HOOK1: variants seen among roughly 807,000 people sequenced by gnomAD.
The protein encoded by HOOK1 is protein Hook homolog 1.
HOOK1 carries 60 observed loss-of-function variants against 112.8 expected under a neutral mutation model. The observed-to-expected ratio is 0.53, with a 90% CI of 0.43 to 0.66. HOOK1 has a LOEUF of 0.66. Ranked by LOEUF, HOOK1 falls within the 30% of genes least tolerant of loss-of-function variation. HOOK1 has a pLI of 0.00. For synonymous variants in HOOK1, 294 were observed against 283.8 expected, an observed-to-expected ratio of 1.04 and a Z score of -0.36; for missense variants, 770 against 856.0, an observed-to-expected ratio of 0.90 and a Z score of 1.25.
intron 2 of HOOK1, among the ~76,000 whole-genome samples, chr1:59,824,129 G>C (rs1201194168): frequency 6.6e-6 from 1 of 152,012 alleles, no homozygotes; most frequent in Non-Finnish European, 1.5e-5. Context: ...TCCTTAGTTG[G>C]ACCAGTATGT....
In HOOK1 at chr1:59,819,228, C is replaced by T. The variant is rs949995408; in HGVS notation, c.64-2630C>T. Among the ~76,000 whole-genome samples the T allele has an allele frequency of 5.6e-5, 8 of 143,588 alleles. No individual in the cohort carries two copies. In the East Asian group the frequency reaches 1.0e-3, roughly 19 times the overall value. 94.2% of individuals were successfully genotyped at this position (143,588 alleles called of 152,430 possible). On this transcript the variant is annotated intron_variant, in intron 1 of 21. Transcript: ENST00000371208. Reference sequence around the variant, plus strand: ...GCAGTGGCATGATCTCGGCTCACTGCAACCTCCACCTCCCGGGTTCAAGGG... The same window carrying T: ...GCAGTGGCATGATCTCGGCTCACTGTAACCTCCACCTCCCGGGTTCAAGGG...
chr1:59,840,301 A>T lies in HOOK1; in HGVS notation c.538-7A>T. The T allele has an allele frequency of 1.9e-6, 3 of 1,556,088 alleles. No individual in the cohort carries two copies. Among genetic ancestry groups the T allele is most frequent in the Non-Finnish European group, 1.7e-6 (2 of 1,155,992 alleles). On this transcript the variant is annotated splice_polypyrimidine_tract_variant and splice_region_variant and intron_variant, in intron 7 of 21. Coordinates refer to ENST00000371208, the MANE Select transcript of HOOK1 (RefSeq NM_015888.6). ...TTTACTAAGATTTAGGACATTTTGT[A>T]TTTCAGCTTAAAAGAGCCTTGGAAG...
At chr1:59,866,512 G>A (rs745505875) in intron 19 of HOOK1, among the ~76,000 whole-genome samples, 6 of 152,104 alleles carry the variant, frequency 3.9e-5, no homozygotes, top group Non-Finnish European at 7.4e-5. Context: ...TGGGGAAGGG[G>A]CACTTCTCCA....
chr1:59,871,241 A>G (rs998946871), intron 21 of HOOK1, 131 bp downstream of exon 21: 1 of 588,756 alleles, frequency 1.7e-6, no homozygotes, highest in African/African-American at 1.9e-5. Context: ...TATGTATATG[A>G]CTGAAACAAA....
intron 18 of HOOK1, 51 bp downstream of exon 18, chr1:59,865,296 C>A (rs1462555771): frequency 8.0e-6 from 9 of 1,121,714 alleles, no homozygotes; most frequent in Non-Finnish European, 1.2e-5. Flanking sequence ...TAAGGACTTA[C>A]CCTTTTTTAT....
intron 1 of HOOK1, among the ~76,000 whole-genome samples, chr1:59,821,539 A>G (rs903047790): frequency 6.6e-6 from 1 of 152,244 alleles, no homozygotes; most frequent in African/African-American, 2.4e-5. Flanking sequence ...TCTGCTAAAT[A>G]TAGACAAAAC....
chr1:59,850,059 A>G (rs2098406315), intron 12 of HOOK1, among the ~76,000 whole-genome samples: 1 of 151,614 alleles, frequency 6.6e-6, no homozygotes, highest in Non-Finnish European at 1.5e-5. Flanking sequence ...GATTTTAGCT[A>G]TCCTAGTGGA....
At chr1:59,849,529 C>T (rs901341338) in intron 12 of HOOK1, among the ~76,000 whole-genome samples, 105 of 151,636 alleles carry the variant, frequency 6.9e-4, no homozygotes, top group African/African-American at 2.4e-3. Flanking sequence ...GTGGTTTTCA[C>T]AAGTCATTGG....
rs1559061978 is a variant in HOOK1, at chr1:59,863,834, C to T, written c.1627-798C>T. 6.2e-6 allele frequency: 6 copies of T among 967,970 alleles called. No homozygotes were observed. In the South Asian group the frequency reaches 1.4e-4, roughly 23 times the overall value. 60.0% of individuals were successfully genotyped at this position (967,970 alleles called of 1,614,324 possible). Reference sequence around the variant, plus strand: ...GGGGCTTGGAAAATAGAAATCGTCTCATGCATGGCGGCATCTCATATGTGC... The same window carrying T: ...GGGGCTTGGAAAATAGAAATCGTCTTATGCATGGCGGCATCTCATATGTGC... On this transcript the variant is annotated intron_variant, in intron 16 of 21. Coordinates refer to ENST00000371208, the MANE Select transcript of HOOK1 (RefSeq NM_015888.6).
chr1:59,862,377 T>C (rs2098414098), intron 15 of HOOK1, among the ~76,000 whole-genome samples: 1 of 152,128 alleles, frequency 6.6e-6, no homozygotes, highest in Non-Finnish European at 1.5e-5. Flanking sequence ...GTGGAAATGA[T>C]TGGAAAATGG....
At chr1:59,869,241 G>C (rs1644016298) in intron 20 of HOOK1, among the ~76,000 whole-genome samples, 1 of 151,324 alleles carries the variant, frequency 6.6e-6, no homozygotes, top group East Asian at 1.9e-4. Context: ...GCCCAGGCTG[G>C]GTTGCAGTGG....
intron 1 of HOOK1, among the ~76,000 whole-genome samples, chr1:59,816,849 C>T (rs371263406): frequency 1.1e-4 from 16 of 152,300 alleles, no homozygotes; most frequent in East Asian, 3.9e-4. Context: ...ATTGAATGAC[C>T]GTGCAAACTG....
intron 13 of HOOK1, among the ~76,000 whole-genome samples, chr1:59,858,761 GGGAAGGAA>G (rs202046503): frequency 2.7e-5 from 4 of 146,564 alleles, no homozygotes; most frequent in Non-Finnish European, 6.0e-5. Flanking sequence ...GAAAGAAGGA[GGGAAGGAA>G]GGAAGGAAGG....
intron 20 of HOOK1, among the ~76,000 whole-genome samples, chr1:59,869,729 A>G (rs992939653): frequency 6.6e-6 from 1 of 152,186 alleles, no homozygotes; most frequent in African/African-American, 2.4e-5. Flanking sequence ...GTGCTTGTCC[A>G]GGCTATGTTG....
intron 19 of HOOK1, among the ~76,000 whole-genome samples, chr1:59,867,350 G>C (rs185181851): frequency 1.6e-3 from 246 of 152,204 alleles, no homozygotes; most frequent in African/African-American, 5.6e-3. Flanking sequence ...CCAATAAATT[G>C]CTGAATCCTC....
chr1:59,859,072 A>AT (rs758234113), intron 14 of HOOK1, 27 bp downstream of exon 14: 1 of 1,100,242 alleles, frequency 9.1e-7, no homozygotes, highest in Admixed American at 2.9e-5. Flanking sequence ...ATTTGATAGA[A>AT]TTATATTTAA....
intron 12 of HOOK1, among the ~76,000 whole-genome samples, chr1:59,855,680 T>C (rs1251319524): frequency 6.6e-6 from 1 of 151,754 alleles, no homozygotes; most frequent in Non-Finnish European, 1.5e-5. Context: ...TTTTCTCTTC[T>C]TCTGGGTTTC....
chr1:59,869,604 T>C (rs996024544), intron 20 of HOOK1, among the ~76,000 whole-genome samples: 2 of 152,160 alleles, frequency 1.3e-5, no homozygotes, highest in Non-Finnish European at 2.9e-5. Flanking sequence ...GTGGTAGAAA[T>C]ATTTTTATTT....
chr1:59,841,559 C>G (rs1574195871), intron 8 of HOOK1, among the ~76,000 whole-genome samples: 3 of 152,132 alleles, frequency 2.0e-5, no homozygotes, highest in Admixed American at 6.6e-5. Context: ...GAAATTTAAT[C>G]TGTTCTCCTT....
Sources: gnomAD v4.1 joint callset for allele counts (sites outside exome capture counted in the v4.1 genomes callset) on GRCh38, gnomAD v4.1.1 for gene constraint, MANE v1.5 for transcripts, NCBI Gene and HGNC (gene_info 2026-07-23, HGNC 2026-07-21) for gene names.